PRDM2: variants seen among roughly 807,000 people sequenced by gnomAD.
PRDM2 encodes PR/SET domain 2, also known as PR domain zinc finger protein 2.
Under a neutral mutation model 130.0 loss-of-function variants are expected in PRDM2, and 30 were observed. The ratio of observed to expected loss-of-function variants is 0.23; its 90% CI spans 0.17 to 0.31. The LOEUF is 0.31. Ranked by LOEUF, PRDM2 falls within the 10% of genes least tolerant of loss-of-function variation. PRDM2 has a pLI of 1.00. For synonymous variants in PRDM2, 871 were observed against 782.4 expected (o/e 1.11, Z -1.89); for missense variants, 2,011 against 2,108.4 (o/e 0.95, Z 0.90).
At position 13,805,199 on chromosome 1, in the gene PRDM2, G is replaced by A. The variant is rs140647755; in HGVS notation, c.5037-11228G>A. Among the ~76,000 whole-genome samples the A allele has an allele frequency of 6.6e-4, 101 of 152,280 alleles. 1 individual carries two copies. The highest frequency in any genetic ancestry group is 2.4e-3 in the African/African-American group (99 of 41,564). On this transcript the variant is annotated intron_variant, in intron 8 of 9. Coordinates refer to ENST00000311066, the MANE Select transcript of PRDM2 (RefSeq NM_001393986.1). ...ATAGAAAGTGCTCAGTGGATGATGCGATGATGTTTTTTTCCCCCTTGCCTG... is the reference window on the plus strand; with the variant it reads ...ATAGAAAGTGCTCAGTGGATGATGCAATGATGTTTTTTTCCCCCTTGCCTG...
chr1:13,754,101 A>G (rs1189772069), intron 6 of PRDM2, among the ~76,000 whole-genome samples: 4 of 152,146 alleles, frequency 2.6e-5, no homozygotes, highest in Non-Finnish European at 4.4e-5. Context: ...TTGTGACATA[A>G]GTGACACAGG....
chr1:13,713,938 G>T (rs903577547), intron 1 of PRDM2, among the ~76,000 whole-genome samples: 21 of 151,834 alleles, frequency 1.4e-4, no homozygotes, highest in Non-Finnish European at 2.1e-4. Flanking sequence ...GCACGATCTC[G>T]GCTCACTGCA....
rs955321297 is a variant in PRDM2, at chr1:13,824,246, C to A, written c.*1111C>A. ...AAGGATGTCTGAGACCACTTGGGCG[C>A]TGTTTTCTCAGCTCCAATTTCAAGA... On this transcript the variant is annotated 3_prime_UTR_variant, in exon 10 of 10. Coordinates refer to ENST00000311066, the MANE Select transcript of PRDM2 (RefSeq NM_001393986.1). 6.6e-6 allele frequency: 1 copy of A among 152,532 alleles called. No homozygotes were observed. Among genetic ancestry groups the A allele is most frequent in the Non-Finnish European group, 1.5e-5 (1 of 68,040 alleles). The allele number at this position is 152,532 out of a possible 1,614,324, so 9.4% of individuals were successfully genotyped here. A position where few individuals can be genotyped will look rare whatever the true frequency, so the allele number is the denominator to read the frequency against.
At chr1:13,717,124 A>G (rs1327845190) in intron 2 of PRDM2, among the ~76,000 whole-genome samples, 1 of 152,192 alleles carries the variant, frequency 6.6e-6, no homozygotes, top group Admixed American at 6.5e-5. Flanking sequence ...GTCATAAAAA[A>G]CGAATCTGGC....
At chr1:13,819,938 G>A (rs1190159908) in intron 9 of PRDM2, among the ~76,000 whole-genome samples, 1 of 152,202 alleles carries the variant, frequency 6.6e-6, no homozygotes, top group African/African-American at 2.4e-5. Flanking sequence ...TTCAGCATAA[G>A]GGTTTTAGGG....
chr1:13,712,691 G>T (rs1045104953), intron 1 of PRDM2, among the ~76,000 whole-genome samples: 1 of 152,130 alleles, frequency 6.6e-6, no homozygotes, highest in Admixed American at 6.5e-5. Flanking sequence ...CTGGAAGGAG[G>T]TGGGGGCTGC....
At chr1:13,789,418 A>G (rs181535800) in intron 8 of PRDM2, among the ~76,000 whole-genome samples, 52 of 152,324 alleles carry the variant, frequency 3.4e-4, no homozygotes, top group Middle Eastern at 3.4e-3. Context: ...ACATCTCTGA[A>G]CAAAATGGAC....
At chr1:13,801,582 G>A (rs1645007472) in intron 8 of PRDM2, among the ~76,000 whole-genome samples, 1 of 152,170 alleles carries the variant, frequency 6.6e-6, no homozygotes, top group Admixed American at 6.5e-5. Flanking sequence ...ACTTCTCTGT[G>A]CCTTAGTTCC....
At chr1:13,795,140 GTAAGT>G (rs945811271) in intron 8 of PRDM2, among the ~76,000 whole-genome samples, 6 of 152,128 alleles carry the variant, frequency 3.9e-5, no homozygotes, top group African/African-American at 9.7e-5. Flanking sequence ...TTTTTAAAAG[GTAAGT>G]TAAGAAGAAA....
chr1:13,736,615 A>G (rs1242090086), intron 4 of PRDM2, among the ~76,000 whole-genome samples: 1 of 152,214 alleles, frequency 6.6e-6, no homozygotes, highest in Admixed American at 6.5e-5. Context: ...ATGAATTTCT[A>G]GAAGTATAAA....
chr1:13,755,999 C>G (rs1271306672), intron 6 of PRDM2, among the ~76,000 whole-genome samples: 1 of 151,672 alleles, frequency 6.6e-6, no homozygotes, highest in South Asian at 2.1e-4. Context: ...CACCTGTAAT[C>G]CCAGCGCTTT....
intron 1 of PRDM2, among the ~76,000 whole-genome samples, chr1:13,706,945 A>G (rs1290713939): frequency 6.6e-6 from 1 of 152,124 alleles, no homozygotes; most frequent in Non-Finnish European, 1.5e-5. Flanking sequence ...ATTATTTAAA[A>G]TAGAAGAGTC....
chr1:13,812,101 G>A lies in PRDM2; in HGVS notation c.5037-4326G>A, dbSNP rs1253221491. On this transcript the variant is annotated intron_variant, in intron 8 of 9. Transcript: ENST00000311066. ...GTGGTCCAGTGTCGTGGTCATGTCC[G>A]GTGGTCCTTATAAAGGCCTCTCTTG... Among the ~76,000 whole-genome samples the A allele has an allele frequency of 4.6e-5, 7 of 152,324 alleles. No individual in the cohort carries two copies. In the East Asian group the frequency reaches 5.8e-4, roughly 13 times the overall value.
At chr1:13,745,860 T>C (rs541804920) in intron 5 of PRDM2, among the ~76,000 whole-genome samples, 1 of 152,240 alleles carries the variant, frequency 6.6e-6, no homozygotes, top group Admixed American at 6.5e-5. Flanking sequence ...GTTCACCCAC[T>C]GGCGAGTTGA....
chr1:13,778,298 A>G (rs1005770611), intron 7 of PRDM2, 120 bp from the exon 8 acceptor site: 2 of 1,034,958 alleles, frequency 1.9e-6, no homozygotes, highest in African/African-American at 3.2e-5. Flanking sequence ...TTTATTGTTC[A>G]TCATCATCTC....
chr1:13,709,225 C>T (rs1190842835), intron 1 of PRDM2, among the ~76,000 whole-genome samples: 2 of 151,250 alleles, frequency 1.3e-5, no homozygotes, highest in African/African-American at 4.9e-5. Flanking sequence ...TTAAGGGCCA[C>T]ATAAAAATAG....
In PRDM2 at chr1:13,764,506, G is replaced by T. The variant is rs76258503; in HGVS notation, c.512-8572G>T. ...TTAATGCTTTCTTATCTTGAATTTG[G>T]TGAAGTTTGTTTGGGAAGCCCTTTC... On this transcript the variant is annotated intron_variant, in intron 6 of 9. Transcript: ENST00000311066. 5.6e-3 allele frequency among the ~76,000 whole-genome samples: 856 copies of T among 152,326 alleles called. 11 individuals are homozygous for T. Among genetic ancestry groups the T allele is most frequent in the African/African-American group, 0.02 (822 of 41,558 alleles).
At position 13,778,843 on chromosome 1, in the gene PRDM2, G is replaced by A; in HGVS notation, c.1048G>A (p.Ala350Thr). The change falls in exon 8 of 10, where the codon GCC (alanine) becomes ACC (threonine). Residue 350 changes from alanine (A) to threonine (T), a missense_variant. By Grantham distance (58) the Ala-to-Thr change is moderately conservative. Coordinates refer to ENST00000311066, the MANE Select transcript of PRDM2 (RefSeq NM_001393986.1). ...AMQIPRTKEE[A>T]NGDVFETFMF... ...GCAAATCCCCAGAACTAAAGAAGAG[G>A]CCAATGGTGATGTATTTGAAACGTT... The A allele has an allele frequency of 1.2e-6, 2 of 1,614,162 alleles. No homozygotes were observed. Among genetic ancestry groups the A allele is most frequent in the Non-Finnish European group, 1.7e-6 (2 of 1,180,026 alleles).
intron 9 of PRDM2, among the ~76,000 whole-genome samples, chr1:13,821,431 CATTTATTTATTTATTTATTTATTT>C (rs112704883): frequency 3.6e-5 from 5 of 138,282 alleles, no homozygotes; most frequent in South Asian, 2.7e-4. Flanking sequence ...ATGCAGTGAA[CATTTATTTATTTATTTATTTATTT>C]ATTTATTTAT....
Sources: allele counts gnomAD v4.1 joint callset (sites outside exome capture counted in the v4.1 genomes callset), GRCh38; gene constraint gnomAD v4.1.1; transcripts MANE v1.5; gene names NCBI Gene and HGNC (gene_info 2026-07-23, HGNC 2026-07-21).